The following OCIAD1 variants were observed in gnomAD, a reference collection of about 807,000 sequenced individuals.
OCIAD1 encodes the protein OCIA domain-containing protein 1.
A neutral mutation model predicts 38.9 loss-of-function variants in OCIAD1; 29 were observed. That is an observed-to-expected ratio of 0.74 (90% CI 0.55 to 1.02). OCIAD1 has a LOEUF of 1.02. Among genes scored for constraint, OCIAD1 ranks in the 50% least tolerant of loss-of-function variants. The pLI, the probability that OCIAD1 is intolerant of heterozygous loss-of-function variation, is 0.00. For synonymous variants in OCIAD1, 110 were observed against 92.0 expected, an observed-to-expected ratio of 1.20 and a Z score of -1.12; for missense variants, 288 against 289.6, an observed-to-expected ratio of 0.99 and a Z score of 0.04.
Position 48,815,314 on chromosome 4 carries a change from A to G in OCIAD1, c.-103+9984A>G, listed in dbSNP as rs557960795. Reference sequence around the variant, plus strand: ...AACAGTGTGAGACTCCATCTCAAAAAAAAGAAAAGAATAAATTATTTCTAG... The same window carrying G: ...AACAGTGTGAGACTCCATCTCAAAAGAAAGAAAAGAATAAATTATTTCTAG... On this transcript the variant is annotated intron_variant, in intron 1 of 6. Coordinates refer to the OCIAD1 transcript ENST00000504654. Among the ~76,000 whole-genome samples the G allele has an allele frequency of 5.9e-5, 9 of 152,354 alleles. No individual in the cohort carries two copies. In the East Asian group the frequency reaches 1.5e-3, roughly 26 times the overall value.
At chr4:48,852,882 G>GTTTTTTTGTTTTTTTTTTTTTTT (rs1779635252) in intron 7 of OCIAD1, among the ~76,000 whole-genome samples, 1 of 126,338 alleles carries the variant, frequency 7.9e-6, no homozygotes, top group African/African-American at 3.2e-5. Context: ...TTTGTTTTTT[G>GTTTTTTTGTTTTTTTTTTTTTTT]TTTTTTTTTT....
intron 1 of OCIAD1, among the ~76,000 whole-genome samples, chr4:48,825,835 T>TTTTC (rs1381487079): frequency 6.6e-5 from 10 of 151,104 alleles, no homozygotes; most frequent in African/African-American, 1.7e-4. Context: ...TCTTTCTTTC[T>TTTTC]TTTCTTTCTT....
intron 1 of OCIAD1, among the ~76,000 whole-genome samples, chr4:48,821,239 G>T (rs748261227): frequency 3.3e-5 from 5 of 152,166 alleles, no homozygotes; most frequent in Non-Finnish European, 5.9e-5. Flanking sequence ...TGCAAGGCTG[G>T]TTCAACATAC....
chr4:48,832,606 T>A lies in OCIAD1; in HGVS notation c.-5-14T>A. The A allele has an allele frequency of 6.2e-7, 1 of 1,605,186 alleles. No individual in the cohort carries two copies. The highest frequency in any genetic ancestry group is 8.5e-7 in the Non-Finnish European group (1 of 1,171,820). ...ATAGTTTCTAATACTTAATATGTAA[T>A]GTTTTTGATACAGGAAAGATGAATG... On this transcript the variant is annotated splice_polypyrimidine_tract_variant and intron_variant, in intron 1 of 8. Transcript: ENST00000264312.
intron 4 of OCIAD1, among the ~76,000 whole-genome samples, chr4:48,843,665 A>C (rs1291398381): frequency 6.6e-6 from 1 of 152,210 alleles, no homozygotes; most frequent in Non-Finnish European, 1.5e-5. Context: ...TATGTCCTTA[A>C]GACTAAGCTG....
chr4:48,839,140 G>A (rs1778289818), intron 3 of OCIAD1, among the ~76,000 whole-genome samples: 1 of 152,070 alleles, frequency 6.6e-6, no homozygotes, highest in Non-Finnish European at 1.5e-5. Context: ...CAGTATAAGA[G>A]TGATAAGAGT....
chr4:48,810,330 G>A (rs1392588761), intron 1 of OCIAD1, among the ~76,000 whole-genome samples: 2 of 151,738 alleles, frequency 1.3e-5, no homozygotes, highest in African/African-American at 4.8e-5. Flanking sequence ...TTAGCCGGGC[G>A]CGGTGGCGGG....
At chr4:48,830,415 TAATA>T (rs1435884013), upstream of OCIAD1, among the ~76,000 whole-genome samples, 4 of 152,228 alleles carry the variant, frequency 2.6e-5, no homozygotes, top group Admixed American at 1.3e-4. Flanking sequence ...TACATGGCAC[TAATA>T]AATACTTCAG....
chr4:48,843,219 G>A (rs1778689559), intron 4 of OCIAD1, among the ~76,000 whole-genome samples: 1 of 152,132 alleles, frequency 6.6e-6, no homozygotes, highest in South Asian at 2.1e-4. Flanking sequence ...TTGTCCTAAA[G>A]TCTATTGGCT....
intron 6 of OCIAD1, among the ~76,000 whole-genome samples, chr4:48,851,458 C>T (rs1779455604): frequency 6.6e-6 from 1 of 152,062 alleles, no homozygotes; most frequent in Non-Finnish European, 1.5e-5. Flanking sequence ...GAAGCTGAGG[C>T]AGGAGGGTTG....
At chr4:48,848,651 TTG>T (rs1779167946) in intron 5 of OCIAD1, 1 of 378,758 alleles carries the variant, frequency 2.6e-6, no homozygotes, top group South Asian at 7.1e-5. Flanking sequence ...AGGCATTTTT[TTG>T]TGTCTTTATA....
At chr4:48,814,469 A>G (rs1470794456) in intron 1 of OCIAD1, among the ~76,000 whole-genome samples, 2 of 152,062 alleles carry the variant, frequency 1.3e-5, no homozygotes, top group Non-Finnish European at 2.9e-5. Context: ...TGCAATACTC[A>G]GAATATTGGA....
chr4:48,832,489 G>A (rs2109511364), intron 1 of OCIAD1, 131 bp from the exon 2 acceptor site: 1 of 709,372 alleles, frequency 1.4e-6, no homozygotes, highest in Admixed American at 2.0e-5. Context: ...GTAAGATATA[G>A]TAGTGTTTAA....
At chr4:48,809,296 C>T (rs560881627) in intron 1 of OCIAD1, among the ~76,000 whole-genome samples, 36 of 152,178 alleles carry the variant, frequency 2.4e-4, no homozygotes, top group Admixed American at 3.3e-4. Context: ...CCAAGGTGGG[C>T]GGATCACCTG....
At chr4:48,824,134 A>T (rs1777225257) in intron 1 of OCIAD1, among the ~76,000 whole-genome samples, 1 of 151,926 alleles carries the variant, frequency 6.6e-6, no homozygotes. Flanking sequence ...GAGCACCATC[A>T]TGCCCAGCTA....
At chr4:48,852,683 T>C (rs1057012662) in intron 7 of OCIAD1, among the ~76,000 whole-genome samples, 2 of 152,170 alleles carry the variant, frequency 1.3e-5, no homozygotes, top group Non-Finnish European at 2.9e-5. Context: ...ACTACCTCTC[T>C]TAATGAACTG....
At chr4:48,855,935 T>C (rs1185676706) in intron 7 of OCIAD1, 3 of 152,300 alleles carry the variant, frequency 2.0e-5, no homozygotes, top group Non-Finnish European at 4.4e-5. Context: ...ATCACAAAAA[T>C]TATTTTTTAA....
At chr4:48,820,510 A>G (rs565416902) in intron 1 of OCIAD1, among the ~76,000 whole-genome samples, 2 of 152,342 alleles carry the variant, frequency 1.3e-5, no homozygotes, top group African/African-American at 4.8e-5. Flanking sequence ...GCAAGAGCAA[A>G]CAAATTCAAA....
intron 1 of OCIAD1, among the ~76,000 whole-genome samples, chr4:48,825,219 T>C (rs892460108): frequency 1.3e-5 from 2 of 152,230 alleles, no homozygotes; most frequent in African/African-American, 4.8e-5. Context: ...TCCCTGGAGC[T>C]GCACCTGCCT....
Sources: gnomAD v4.1 joint callset for allele counts (sites outside exome capture counted in the v4.1 genomes callset) on GRCh38, gnomAD v4.1.1 for gene constraint, MANE v1.5 for transcripts, NCBI Gene and HGNC (gene_info 2026-07-23, HGNC 2026-07-21) for gene names.